ZC3H7B: variants seen among roughly 807,000 people sequenced by gnomAD.
ZC3H7B encodes the protein zinc finger CCCH-type containing 7B.
A neutral mutation model predicts 116.0 loss-of-function variants in ZC3H7B; 35 were observed. The observed-to-expected ratio is 0.30, with a 90% CI of 0.23 to 0.40. The LOEUF (loss-of-function observed/expected upper bound fraction) is 0.40, where lower values mean the gene tolerates loss of function less well. Ranked by LOEUF, ZC3H7B falls within the 10% of genes least tolerant of loss-of-function variation. The pLI, the probability that ZC3H7B is intolerant of heterozygous loss-of-function variation, is 1.00. For missense variants in ZC3H7B, 1,011 were observed against 1,321.5 expected (o/e 0.77, Z 3.64); for synonymous variants, 502 against 545.6 (o/e 0.92, Z 1.11).
Position 41,356,070 on chromosome 22 carries a change from G to A in ZC3H7B, c.2383+8G>A, listed in dbSNP as rs1239229642. On this transcript the variant is annotated splice_region_variant and intron_variant, in intron 20 of 22. Coordinates refer to ENST00000352645, the MANE Select transcript of ZC3H7B (RefSeq NM_017590.6). ...TCATGAAGGAGAACAAGAGTGAGTG[G>A]GCAGACGGGGCGGGCGGGCCCTCCC... The A allele has an allele frequency of 1.9e-6, 3 of 1,559,718 alleles. No homozygotes were observed. The highest frequency in any genetic ancestry group is 1.2e-5 in the South Asian group (1 of 82,490).
At position 41,339,982 on chromosome 22, in the gene ZC3H7B, C is replaced by G; in HGVS notation, c.983C>G (p.Ser328Cys). The G allele has an allele frequency of 3.1e-6, 5 of 1,611,908 alleles. No individual in the cohort carries two copies. Among genetic ancestry groups the G allele is most frequent in the Non-Finnish European group, 4.2e-6 (5 of 1,179,998 alleles). Residue 328 changes from serine to cysteine, a missense_variant, in exon 10 of 23, where the codon TCC (serine) becomes TGC (cysteine). Transcript: ENST00000352645. ...TCCTTCGGCTTGGTCATGGACCCCT[C>G]CAAGAAGCTGGCCGCCTCTGTGCTG... is the stretch of plus-strand genomic sequence containing the variant. ...PASFGLVMDP[S>C]KKLAASVLDA...
At chr22:41,308,139 G>T (rs9611548) in intron 1 of ZC3H7B, among the ~76,000 whole-genome samples, 37,572 of 151,980 alleles carry the variant, frequency 0.25, 5,941 homozygotes, top group Admixed American at 0.4. Flanking sequence ...CCCTGAGACC[G>T]AGAACCATGT....
Position 41,349,198 on chromosome 22 carries a change from C to A in ZC3H7B, c.1845C>A (p.Asp615Glu). 1.2e-6 allele frequency: 2 copies of A among 1,613,816 alleles called. No individual in the cohort carries two copies. The highest frequency in any genetic ancestry group is 1.7e-6 in the Non-Finnish European group (2 of 1,180,016). ...IRQFQEHFQF[D>E]VCRHEVRYGC... is the part of the protein sequence containing the mutation. ...AGTTCCAGGAGCACTTCCAGTTCGA[C>A]GTGTGCCGCCATGAGGTGCGCTACG... The change falls in exon 16 of 23, where the codon GAC becomes GAA. Residue 615 changes from aspartate to glutamate, a missense_variant. By Grantham distance (45) the Asp-to-Glu change is conservative. Around this residue, in one of 5 missense-constraint regions of ZC3H7B, gnomAD observed 406 missense variants for 590.2 expected, o/e 0.69. Transcript: ENST00000352645. This position sits in a 1 kb window ranked among gnomAD's most constrained non-coding sequence, Gnocchi z 4.9.
chr22:41,338,494 G>A lies in ZC3H7B; in HGVS notation c.625+139G>A. ...CACCCTGGTACTCCCTGAGGCATGGGAGAAAACAGTGGGTTGAGAGCTACA... is the reference window on the plus strand; with the variant it reads ...CACCCTGGTACTCCCTGAGGCATGGAAGAAAACAGTGGGTTGAGAGCTACA... On this transcript the variant is annotated intron_variant, in intron 8 of 22. Transcript: ENST00000352645. The surrounding 1 kb of genome is among the most constrained non-coding windows in gnomAD (Gnocchi z 4.5). The A allele has an allele frequency of 1.1e-6, 1 of 885,054 alleles. No individual in the cohort carries two copies. Among genetic ancestry groups the A allele is most frequent in the Admixed American group, 2.3e-5 (1 of 43,062 alleles). 54.8% of individuals were successfully genotyped at this position (885,054 alleles called of 1,614,324 possible).
Position 41,357,736 on chromosome 22 carries a change from C to A in ZC3H7B, c.*307C>A. ...CAGCTTCAGCCTCCAGCTTTAACTT[C>A]TGTCTGCTCCTAATGGGGGCCCAAA... On this transcript the variant is annotated 3_prime_UTR_variant, in exon 23 of 23. Coordinates refer to ENST00000352645, the MANE Select transcript of ZC3H7B (RefSeq NM_017590.6). This position sits in a 1 kb window ranked among gnomAD's most constrained non-coding sequence, Gnocchi z 5.4. 1 of 437,760 alleles carries A rather than the reference C, an allele frequency of 2.3e-6. No individual in the cohort carries two copies. Among genetic ancestry groups the A allele is most frequent in the Admixed American group, 3.5e-5 (1 of 28,604 alleles). 27.1% of individuals were successfully genotyped at this position (437,760 alleles called of 1,614,324 possible). A position where few individuals can be genotyped will look rare whatever the true frequency, so the allele number is the denominator to read the frequency against.
chr22:41,326,019 C>T, intron 4 of ZC3H7B, 101 bp downstream of exon 4: 1 of 1,337,132 alleles, frequency 7.5e-7, no homozygotes, highest in African/African-American at 1.5e-5. Flanking sequence ...AGACCAGGGC[C>T]AGCCTCCTCC....
rs200140093 is a variant in ZC3H7B, at chr22:41,341,145, C to T, written c.1196C>T (p.Ser399Leu). 26 of 1,613,854 alleles carry T rather than the reference C, an allele frequency of 1.6e-5. No homozygotes were observed. Among genetic ancestry groups the T allele is most frequent in the African/African-American group, 1.5e-4 (11 of 74,918 alleles). The part of the protein sequence containing the change: ...PPSGAQKPAP[S>L]PEPCMPNTAL... ...AGCGGTGCTCAGAAACCAGCCCCCTCGGTGAGTGACTTGAGTGGGGATCCA... is the reference window on the plus strand; with the variant it reads ...AGCGGTGCTCAGAAACCAGCCCCCTTGGTGAGTGACTTGAGTGGGGATCCA... The change falls in exon 11 of 23, where the codon TCG (serine) becomes TTG (leucine). Residue 399 changes from serine to leucine, a missense_variant and splice_region_variant. Physicochemically the swap from Ser to Leu is moderately radical, Grantham distance 145. Transcript: ENST00000352645.
rs140371341 is a variant in ZC3H7B at position 41,330,613 on chromosome 22, GC to G, written c.525+513del. ...CATCTGGACGATGGAGATAATTTATGCCCACCCCAGAGGGCTCATGGGAGGA... is the reference window on the plus strand; with the variant it reads ...CATCTGGACGATGGAGATAATTTATGCCACCCCAGAGGGCTCATGGGAGGA... On this transcript the variant is annotated intron_variant, in intron 6 of 22. Transcript: ENST00000352645. Among the ~76,000 whole-genome samples the G allele has an allele frequency of 4.9e-3, 745 of 152,204 alleles. 4 individuals are homozygous for G. The highest frequency in any genetic ancestry group is 0.031 in the Middle Eastern group (9 of 294).
chr22:41,343,346 A>C (rs1237674975), intron 12 of ZC3H7B, 69 bp from the exon 13 acceptor site: 23 of 1,547,994 alleles, frequency 1.5e-5, no homozygotes. Context: ...TACCCACCGC[A>C]TGGGCCTGCC....
intron 9 of ZC3H7B, among the ~76,000 whole-genome samples, chr22:41,339,575 G>A (rs1017029540): frequency 5.3e-5 from 8 of 149,622 alleles, no homozygotes; most frequent in South Asian, 2.1e-4. Context: ...GCAGTGAGCC[G>A]AGATCACACC....
At chr22:41,320,906 A>C (rs755368346) in intron 2 of ZC3H7B, among the ~76,000 whole-genome samples, 193 bp downstream of exon 2, 4 of 152,192 alleles carry the variant, frequency 2.6e-5, no homozygotes, top group African/African-American at 4.8e-5. Context: ...CCACATGCAC[A>C]CATGCTCCCT....
Position 41,349,095 on chromosome 22 carries a change from C to T in ZC3H7B, c.1767-25C>T. 1 of 1,611,338 alleles carries T rather than the reference C, an allele frequency of 6.2e-7. No homozygotes were observed. On this transcript the variant is annotated intron_variant, in intron 15 of 22. Transcript: ENST00000352645. The surrounding 1 kb of genome is among the most constrained non-coding windows in gnomAD (Gnocchi z 4.9). ...CAGAGGGGCTGCGGACTGCATCGTG[C>T]CCCTCCTGCCTGCCCGCCCGCCAGG...
chr22:41,356,297 A>T, intron 20 of ZC3H7B, 46 bp from the exon 21 acceptor site: 3 of 1,611,084 alleles, frequency 1.9e-6, no homozygotes, highest in Non-Finnish European at 1.7e-6. Flanking sequence ...GGCAGAATGG[A>T]TGGAGAAGCC....
intron 6 of ZC3H7B, among the ~76,000 whole-genome samples, chr22:41,331,967 G>A (rs1000277535): frequency 6.6e-6 from 1 of 152,166 alleles, no homozygotes; most frequent in African/African-American, 2.4e-5. Flanking sequence ...CTCTGCCCAG[G>A]TCAAGGTTGG....
intron 1 of ZC3H7B, among the ~76,000 whole-genome samples, chr22:41,317,074 GTT>G (rs2036194575): frequency 2.6e-5 from 4 of 151,774 alleles, no homozygotes; most frequent in Non-Finnish European, 4.4e-5. Flanking sequence ...TCTTGACCTC[GTT>G]ATCCGCCTGC....
In ZC3H7B at chr22:41,327,316, C is replaced by T; in HGVS notation, c.396C>T (p.His132=). The stretch of plus-strand genomic sequence containing the variant: ...GCGCTCTCAATGAACTGGGACGCCA[C>T]AAGGAGGCCTACGAGTGCAGCAGCC... The part of the protein sequence containing the change: ...KARALNELGR[H]KEAYECSSRC... Residue 132 remains histidine (H), a synonymous_variant, in exon 5 of 23, where the codon CAC becomes CAT. Coordinates refer to ENST00000352645, the MANE Select transcript of ZC3H7B (RefSeq NM_017590.6). The surrounding 1 kb of genome is among the most constrained non-coding windows in gnomAD (Gnocchi z 4.5). 1 of 1,613,638 alleles carries T rather than the reference C, an allele frequency of 6.2e-7. No homozygotes were observed. The highest frequency in any genetic ancestry group is 1.7e-5 in the Admixed American group (1 of 60,028).
Position 41,339,048 on chromosome 22 carries a change from C to T in ZC3H7B, c.673C>T (p.Pro225Ser). The T allele has an allele frequency of 1.2e-6, 2 of 1,608,298 alleles. No individual in the cohort carries two copies. Among genetic ancestry groups the T allele is most frequent in the Non-Finnish European group, 1.7e-6 (2 of 1,176,504 alleles). Residue 225 changes from proline (P) to serine (S), a missense_variant, in exon 9 of 23, where the codon CCC becomes TCC. By Grantham distance (74) the Pro-to-Ser change is moderately conservative. This residue lies in a region of ZC3H7B where 322 missense variants were observed against 443.9 expected (regional missense o/e 0.73). Coordinates refer to ENST00000352645, the MANE Select transcript of ZC3H7B (RefSeq NM_017590.6). Reference protein sequence around the residue: ...RGSPALLPSTPTMPLFPHVLD... With the variant: ...RGSPALLPSTSTMPLFPHVLD... ...CTCCCCAGCCCTTCTCCCCTCCACG[C>T]CCACGATGCCCCTGTTCCCTCACGT...
chr22:41,320,788 C>T (rs571350871), intron 2 of ZC3H7B, 75 bp downstream of exon 2: 59 of 1,586,406 alleles, frequency 3.7e-5, no homozygotes, highest in Non-Finnish European at 4.7e-5. Flanking sequence ...GCCCTCCCAG[C>T]GCTCCCTTTT....
At position 41,359,455 on chromosome 22, in the gene ZC3H7B, G is replaced by C. The variant is rs1036443291; in HGVS notation, c.*2026G>C. On this transcript the variant is annotated 3_prime_UTR_variant, in exon 23 of 23. Coordinates refer to ENST00000352645, the MANE Select transcript of ZC3H7B (RefSeq NM_017590.6). ...ACTGGACTATTTGCAAGGTGACAGG[G>C]ACTGGAGCCATGGCTCAGAGGTGAT... 3.3e-5 allele frequency: 5 copies of C among 152,066 alleles called. No individual in the cohort carries two copies. The highest frequency in any genetic ancestry group is 1.3e-4 in the Admixed American group (2 of 15,278). The allele number at this position is 152,066 out of a possible 1,614,324, so 9.4% of individuals were successfully genotyped here. A position where few individuals can be genotyped will look rare whatever the true frequency, so the allele number is the denominator to read the frequency against.
Sources: gnomAD v4.1 joint callset for allele counts (sites outside exome capture counted in the v4.1 genomes callset) on GRCh38, gnomAD v4.1.1 for gene constraint, gnomAD v4.1.1 regional missense constraint, Gnocchi (gnomAD v3.1) non-coding constraint, MANE v1.5 for transcripts, NCBI Gene and HGNC (gene_info 2026-07-23, HGNC 2026-07-21) for gene names.